Variants in LRCH2 observed in about 807,000 individuals in gnomAD.
LRCH2 encodes the protein leucine-rich repeat and calponin homology domain-containing protein 2.
Under a neutral mutation model 68.9 loss-of-function variants are expected in LRCH2, and 38 were observed. The observed-to-expected ratio is 0.55, with a 90% CI of 0.43 to 0.72. The LOEUF is 0.72. Among genes scored for constraint, LRCH2 ranks in the 30% least tolerant of loss-of-function variants. The probability of loss-of-function intolerance (pLI) is 0.00; values close to 1 mark genes in which losing one functional copy is unlikely to be tolerated. For synonymous variants in LRCH2, 191 were observed against 208.1 expected (o/e 0.92, Z 0.71); for missense variants, 528 against 572.9 (o/e 0.92, Z 0.80).
intron 1 of LRCH2, chrX:115,198,398 A>T (rs2072906820): frequency 8.9e-6 from 1 of 111,861 alleles, no homozygotes; most frequent in Non-Finnish European, 1.9e-5. Flanking sequence ...GCAAGACAGC[A>T]TTCCACCACA....
chrX:115,199,713 C>T (rs1214261255), intron 1 of LRCH2, among the ~76,000 whole-genome samples: 2 of 111,834 alleles, frequency 1.8e-5, no homozygotes, highest in African/African-American at 6.5e-5. Flanking sequence ...GAGACTTCAA[C>T]GCACCACTCA....
Position 115,188,478 on chromosome X carries a change from A to G in LRCH2, c.350-108T>C, listed in dbSNP as rs966442962. Reference sequence around the variant, plus strand: ...TAGAATCTAAGCAACTACTTAAAATACTTTAAAATATACAATATTATCCAT... The same window carrying G: ...TAGAATCTAAGCAACTACTTAAAATGCTTTAAAATATACAATATTATCCAT... On this transcript the variant is annotated intron_variant, in intron 1 of 20. Coordinates refer to ENST00000317135, the MANE Select transcript of LRCH2 (RefSeq NM_020871.4). The G allele has an allele frequency of 1.2e-5, 6 of 511,569 alleles. No individual in the cohort carries two copies. In the Admixed American group the frequency reaches 1.6e-4, roughly 13 times the overall value. 42.2% of individuals were successfully genotyped at this position (511,569 alleles called of 1,213,427 possible).
chrX:115,122,808 A>G lies in LRCH2; in HGVS notation c.2052T>C (p.His684=). The G allele has an allele frequency of 1.7e-6, 2 of 1,210,681 alleles. No homozygotes were observed. Among genetic ancestry groups the G allele is most frequent in the Non-Finnish European group, 2.2e-6 (2 of 894,750 alleles). The change falls in exon 19 of 21, where the codon CAT becomes CAC. Residue 684 remains histidine (H), a synonymous_variant. Coordinates refer to ENST00000317135, the MANE Select transcript of LRCH2 (RefSeq NM_020871.4). ...TACTAGCAACAGAACGTGGCCTTAT[A>G]TGATTGGCTAAATGGCAAAGAACAA... ...DGVVLCHLAN[H]IRPRSVASIH...
At chrX:115,182,829 C>T (rs1291244130) in intron 3 of LRCH2, among the ~76,000 whole-genome samples, 3 of 67,298 alleles carry the variant, frequency 4.5e-5, no homozygotes, top group Admixed American at 2.0e-4. Context: ...TGAACTTCGT[C>T]TCAAAAAAAA....
chrX:115,162,198 G>C (rs1457731779), intron 11 of LRCH2, among the ~76,000 whole-genome samples: 2 of 110,726 alleles, frequency 1.8e-5, no homozygotes, highest in African/African-American at 6.6e-5. Flanking sequence ...TGGGATTACA[G>C]GCATAAACCA....
intron 20 of LRCH2, among the ~76,000 whole-genome samples, chrX:115,118,476 T>G (rs1556524791): frequency 9.2e-6 from 1 of 108,309 alleles, no homozygotes; most frequent in African/African-American, 3.4e-5. Context: ...AGGAAGAAGT[T>G]GAATCTCTGA....
intron 12 of LRCH2, among the ~76,000 whole-genome samples, chrX:115,154,076 A>G (rs1424507543): frequency 9.0e-6 from 1 of 111,715 alleles, no homozygotes; most frequent in Middle Eastern, 4.2e-3. Flanking sequence ...GCATCATGCT[A>G]ATACTAAACA....
intron 2 of LRCH2, among the ~76,000 whole-genome samples, chrX:115,185,044 T>A (rs1025352463): frequency 6.2e-5 from 7 of 112,511 alleles, no homozygotes; most frequent in Non-Finnish European, 1.1e-4. Flanking sequence ...TAGGACTATA[T>A]CTTCAAAAAC....
At chrX:115,230,990 G>A (rs2073149005) in intron 1 of LRCH2, among the ~76,000 whole-genome samples, 1 of 110,720 alleles carries the variant, frequency 9.0e-6, no homozygotes, top group East Asian at 2.8e-4. Context: ...CAATTGTAAT[G>A]TGCAGCCAGG....
In LRCH2 at chrX:115,166,476, G is replaced by T. The variant is rs192497384; in HGVS notation, c.999-134C>A. On this transcript the variant is annotated intron_variant, in intron 6 of 20. Transcript: ENST00000317135. Reference sequence around the variant, plus strand: ...TAAGATCCTTAATTAGGGACATGAGGAGAAAAATATCAGAACTCTTCCTAC... The same window carrying T: ...TAAGATCCTTAATTAGGGACATGAGTAGAAAAATATCAGAACTCTTCCTAC... 1.2e-5 allele frequency: 5 copies of T among 425,650 alleles called. No individual in the cohort carries two copies. In the Admixed American group the frequency reaches 2.1e-4, roughly 18 times the overall value. The allele number at this position is 425,650 out of a possible 1,213,427, so 35.1% of individuals were successfully genotyped here.
chrX:115,174,602 C>A (rs1034719187), intron 5 of LRCH2, among the ~76,000 whole-genome samples: 14 of 70,239 alleles, frequency 2.0e-4, no homozygotes, highest in Non-Finnish European at 4.1e-4. Context: ...CCCCCCCCCC[C>A]ACACACACAC....
chrX:115,230,230 T>G (rs782738980), intron 1 of LRCH2, among the ~76,000 whole-genome samples: 1 of 111,731 alleles, frequency 9.0e-6, no homozygotes, highest in Non-Finnish European at 1.9e-5. Flanking sequence ...TCAGCTACTT[T>G]ACTGAAATGG....
intron 20 of LRCH2, among the ~76,000 whole-genome samples, chrX:115,121,600 A>G (rs2072143857): frequency 8.9e-6 from 1 of 112,491 alleles, no homozygotes; most frequent in Non-Finnish European, 1.9e-5. Flanking sequence ...CAGTGAGACG[A>G]GATCGTGCCA....
intron 1 of LRCH2, chrX:115,192,737 G>C: frequency 2.2e-6 from 2 of 920,448 alleles, no homozygotes; most frequent in Middle Eastern, 4.0e-4. Context: ...AGTATAAGTA[G>C]GAGTTGTTTT....
chrX:115,211,926 C>G (rs943523116), intron 1 of LRCH2, among the ~76,000 whole-genome samples: 2 of 111,975 alleles, frequency 1.8e-5, no homozygotes, highest in Non-Finnish European at 3.8e-5. Flanking sequence ...TTTCTTGGCC[C>G]CTTAAAGAGA....
rs1217708118 is a variant in LRCH2, at chrX:115,137,943, C to T, written c.1696-7744G>A. ...CAGCCTGGGTGACACAGCGAGGCTC[C>T]GTCTCAAGAGAAAAAAAAAAGAAAG... On this transcript the variant is annotated intron_variant, in intron 14 of 20. Transcript: ENST00000317135. Among the ~76,000 whole-genome samples the T allele has an allele frequency of 2.8e-4, 30 of 108,621 alleles. No individual in the cohort carries two copies. The Admixed American group carries it at 3.0e-3, about 11-fold the overall frequency. The allele number at this position is 108,621 out of a possible 115,157, so 94.3% of individuals were successfully genotyped here.
chrX:115,131,476 G>A (rs2072244819), intron 14 of LRCH2, among the ~76,000 whole-genome samples: 2 of 111,540 alleles, frequency 1.8e-5, no homozygotes, highest in African/African-American at 6.5e-5. Flanking sequence ...TGGAATATAT[G>A]TGCCACATTT....
intron 12 of LRCH2, among the ~76,000 whole-genome samples, chrX:115,150,581 T>C (rs782463543): frequency 7.2e-5 from 8 of 111,262 alleles, no homozygotes; most frequent in South Asian, 3.8e-4. Context: ...AGGCAGACTA[T>C]GCATGCTGTT....
At chrX:115,169,704 C>T (rs1181943595) in intron 6 of LRCH2, among the ~76,000 whole-genome samples, 1 of 111,294 alleles carries the variant, frequency 9.0e-6, no homozygotes, top group Non-Finnish European at 1.9e-5. Flanking sequence ...TAAACTATTA[C>T]ATGGATTTAT....
Sources: allele counts gnomAD v4.1 joint callset (sites outside exome capture counted in the v4.1 genomes callset), GRCh38; gene constraint gnomAD v4.1.1; transcripts MANE v1.5; gene names NCBI Gene and HGNC (gene_info 2026-07-23, HGNC 2026-07-21).